TEAD1: variants seen among roughly 807,000 people sequenced by gnomAD.
TEAD1 encodes the protein TEA domain transcription factor 1.
TEAD1 carries 9 observed loss-of-function variants against 54.9 expected under a neutral mutation model. The ratio of observed to expected loss-of-function variants is 0.16; its 90% CI spans 0.10 to 0.29. The LOEUF is 0.29. Ranked by LOEUF, TEAD1 falls within the 10% of genes least tolerant of loss-of-function variation. The probability of loss-of-function intolerance (pLI) is 1.00; values close to 1 mark genes in which losing one functional copy is unlikely to be tolerated. For missense variants in TEAD1, 387 were observed against 535.9 expected (o/e 0.72, Z 2.74); for synonymous variants, 200 against 187.8 (o/e 1.07, Z -0.53).
chr11:12,837,681 T>TTTCTCCTTTCTCCC (rs1554940145), intron 3 of TEAD1, among the ~76,000 whole-genome samples: 6 of 82,956 alleles, frequency 7.2e-5, no homozygotes, highest in African/African-American at 1.9e-4. Context: ...TTCTTCCTTC[T>TTTCTCCTTTCTCCC]TTCTCCCTTC....
In TEAD1 at chr11:12,937,239, A is replaced by G. The variant is rs1949118100; in HGVS notation, c.*17A>G. ...AAGGACTGAACATGGTTATTTATATATATAGATATCTGTATATACACACAC... is the reference window on the plus strand; with the variant it reads ...AAGGACTGAACATGGTTATTTATATGTATAGATATCTGTATATACACACAC... On this transcript the variant is annotated 3_prime_UTR_variant, in exon 13 of 13. Transcript: ENST00000527636. 2.6e-6 allele frequency: 4 copies of G among 1,545,622 alleles called. No individual in the cohort carries two copies. The highest frequency in any genetic ancestry group is 3.6e-6 in the Non-Finnish European group (4 of 1,119,818).
chr11:12,703,095 C>G (rs1943737275), intron 2 of TEAD1, among the ~76,000 whole-genome samples: 1 of 152,158 alleles, frequency 6.6e-6, no homozygotes, highest in Non-Finnish European at 1.5e-5. Flanking sequence ...TCCTCCCTAC[C>G]TGCTTCATCA....
At chr11:12,867,063 A>G (rs1170681145) in intron 5 of TEAD1, among the ~76,000 whole-genome samples, 1 of 152,174 alleles carries the variant, frequency 6.6e-6, no homozygotes, top group Non-Finnish European at 1.5e-5. Context: ...GACTTACAGT[A>G]TTCTGCTTTT....
In TEAD1 at chr11:12,886,086, A is replaced by C. The variant is rs576940785; in HGVS notation, c.699+2961A>C. Among the ~76,000 whole-genome samples, 8 of 152,244 alleles carry C rather than the reference A, an allele frequency of 5.3e-5. No individual in the cohort carries two copies. The South Asian group carries it at 1.7e-3, about 31-fold the overall frequency. On this transcript the variant is annotated intron_variant, in intron 9 of 12. Transcript: ENST00000527636. ...AAGCTTCCTTGAGGAAGTAGCCCTTAAGCCGAAAGATGGAGGATTGGACAG... is the reference window on the plus strand; with the variant it reads ...AAGCTTCCTTGAGGAAGTAGCCCTTCAGCCGAAAGATGGAGGATTGGACAG...
chr11:12,692,188 CAT>C lies in TEAD1; in HGVS notation c.-55+16628_-55+16629del, dbSNP rs537553784. On this transcript the variant is annotated intron_variant, in intron 2 of 12. Coordinates refer to ENST00000527636, the MANE Select transcript of TEAD1 (RefSeq NM_021961.6). ...TGCTTCTTGGAAATTGTTTTATGCCCATGTTGGTGCATCATAGACTATGCACT... is the reference window on the plus strand; with the variant it reads ...TGCTTCTTGGAAATTGTTTTATGCCCGTTGGTGCATCATAGACTATGCACT... 3.9e-3 allele frequency among the ~76,000 whole-genome samples: 586 copies of C among 152,198 alleles called. 2 individuals carry two copies. Among genetic ancestry groups the C allele is most frequent in the African/African-American group, 0.013 (557 of 41,516 alleles).
rs1337290210 is a variant in TEAD1 at position 12,930,159 on chromosome 11, CT to C, written c.1015-9del. On this transcript the variant is annotated splice_polypyrimidine_tract_variant and intron_variant, in intron 11 of 12. Transcript: ENST00000527636. ...TCAAAAGTGTAAAAATACTGAAATCCTTTTTTCCTCACAGACGGAGTATGCA... is the reference window on the plus strand; with the variant it reads ...TCAAAAGTGTAAAAATACTGAAATCCTTTTTCCTCACAGACGGAGTATGCA... The C allele has an allele frequency of 6.2e-6, 10 of 1,614,042 alleles. No individual in the cohort carries two copies. Among genetic ancestry groups the C allele is most frequent in the Non-Finnish European group, 8.5e-6 (10 of 1,179,994 alleles).
intron 3 of TEAD1, among the ~76,000 whole-genome samples, chr11:12,825,978 G>A (rs1039290001): frequency 6.6e-5 from 10 of 152,086 alleles, no homozygotes; most frequent in African/African-American, 2.4e-4. Context: ...ATGCAAAAAA[G>A]GTAAATTTAA....
chr11:12,927,038 G>C (rs550457524), intron 11 of TEAD1, among the ~76,000 whole-genome samples: 23 of 152,312 alleles, frequency 1.5e-4, no homozygotes, highest in African/African-American at 5.5e-4. Flanking sequence ...AGATGAACCA[G>C]ACAGCTTACT....
At chr11:12,765,352 C>T (rs1469136402) in intron 3 of TEAD1, among the ~76,000 whole-genome samples, 2 of 152,198 alleles carry the variant, frequency 1.3e-5, no homozygotes, top group South Asian at 2.1e-4. Flanking sequence ...TAATTGAGCA[C>T]GTTGAGTTGA....
chr11:12,689,112 C>T (rs753798616), intron 2 of TEAD1, among the ~76,000 whole-genome samples: 3 of 151,934 alleles, frequency 2.0e-5, no homozygotes, highest in Non-Finnish European at 4.4e-5. Context: ...TTGTCTCTCC[C>T]TCCTCCCTGG....
At chr11:12,843,800 G>C (rs1304500800) in intron 3 of TEAD1, among the ~76,000 whole-genome samples, 1 of 152,132 alleles carries the variant, frequency 6.6e-6, no homozygotes, top group Admixed American at 6.5e-5. Context: ...CATTTATGGC[G>C]CTGAAAACTT....
intron 10 of TEAD1, among the ~76,000 whole-genome samples, chr11:12,924,266 C>CT (rs141311427): frequency 0.042 from 6,323 of 152,226 alleles, 426 homozygotes; most frequent in African/African-American, 0.14. Flanking sequence ...TGCTGCAACT[C>CT]TAAGTATCTC....
intron 3 of TEAD1, among the ~76,000 whole-genome samples, chr11:12,786,113 G>T (rs1242280967): frequency 6.6e-6 from 1 of 152,174 alleles, no homozygotes; most frequent in Non-Finnish European, 1.5e-5. Context: ...TGTCTCCCAG[G>T]TGTCCACAGT....
chr11:12,824,728 TC>T (rs1179260331), intron 3 of TEAD1, among the ~76,000 whole-genome samples: 1 of 152,092 alleles, frequency 6.6e-6, no homozygotes, highest in Non-Finnish European at 1.5e-5. Flanking sequence ...TCCTGCCAGT[TC>T]CTCCCAGTCC....
rs80001423 is a variant in TEAD1 at position 12,781,907 on chromosome 11, G to A, written c.202+17473G>A. 8.2e-3 allele frequency among the ~76,000 whole-genome samples: 1,059 copies of A among 129,488 alleles called. 18 individuals carry two copies. Among genetic ancestry groups the A allele is most frequent in the African/African-American group, 0.029 (1,013 of 35,104 alleles). The allele number at this position is 129,488 out of a possible 152,430, so 84.9% of individuals were successfully genotyped here. A position where few individuals can be genotyped will look rare whatever the true frequency, so the allele number is the denominator to read the frequency against. ...AGGTGGGCAGATCGTGTGAGTCTAG[G>A]AGTTAGAATCCAGCCTGGGCAACAT... On this transcript the variant is annotated intron_variant, in intron 3 of 12. Coordinates refer to ENST00000527636, the MANE Select transcript of TEAD1 (RefSeq NM_021961.6).
At chr11:12,919,111 A>C (rs1291768342) in intron 10 of TEAD1, among the ~76,000 whole-genome samples, 1 of 152,164 alleles carries the variant, frequency 6.6e-6, no homozygotes, top group African/African-American at 2.4e-5. Flanking sequence ...TGTATATTTT[A>C]ATTTTATGTA....
At chr11:12,731,789 A>C (rs905496417) in intron 2 of TEAD1, among the ~76,000 whole-genome samples, 1 of 152,198 alleles carries the variant, frequency 6.6e-6, no homozygotes, top group Non-Finnish European at 1.5e-5. Flanking sequence ...AAATAGCTCC[A>C]TGGCCCTCTT....
At chr11:12,893,184 G>A (rs957942115) in intron 9 of TEAD1, among the ~76,000 whole-genome samples, 1 of 152,232 alleles carries the variant, frequency 6.6e-6, no homozygotes, top group Non-Finnish European at 1.5e-5. Context: ...TGGGGAGGAA[G>A]GCTGCAGCTG....
At chr11:12,815,243 C>T (rs959630871) in intron 3 of TEAD1, among the ~76,000 whole-genome samples, 1 of 152,120 alleles carries the variant, frequency 6.6e-6, no homozygotes, top group Non-Finnish European at 1.5e-5. Flanking sequence ...AGAAGCTTCC[C>T]TCCCTCCCAT....
Sources: gnomAD v4.1 joint callset for allele counts (sites outside exome capture counted in the v4.1 genomes callset) on GRCh38, gnomAD v4.1.1 for gene constraint, MANE v1.5 for transcripts, NCBI Gene and HGNC (gene_info 2026-07-23, HGNC 2026-07-21) for gene names.